KDM4C: variants seen among roughly 807,000 people sequenced by gnomAD.
KDM4C encodes the protein lysine-specific demethylase 4C.
KDM4C carries 81 observed loss-of-function variants against 129.3 expected under a neutral mutation model. That is an observed-to-expected ratio of 0.63 (90% CI 0.52 to 0.75). KDM4C has a LOEUF of 0.75. Among genes scored for constraint, KDM4C ranks in the 30% least tolerant of loss-of-function variants. The pLI is 0.00. For synonymous variants in KDM4C, 573 were observed against 456.1 expected (o/e 1.26, Z -3.26); for missense variants, 1,457 against 1,304.0 (o/e 1.12, Z -1.81).
intron 1 of KDM4C, among the ~76,000 whole-genome samples, chr9:6,746,246 T>TTATATATATATATATA (rs749012885): frequency 1.8e-4 from 21 of 116,060 alleles, no homozygotes; most frequent in African/African-American, 6.4e-4. Context: ...CAGCCAGCCA[T>TTATATATATATATATA]TATATATATA....
At chr9:6,722,517 A>ATTTT (rs71315551) in intron 1 of KDM4C, among the ~76,000 whole-genome samples, 21 of 134,716 alleles carry the variant, frequency 1.6e-4, no homozygotes, top group African/African-American at 4.6e-4. Context: ...ATGTCTATAT[A>ATTTT]TTTTTTTTTT....
chr9:7,013,703 G>T, intron 13 of KDM4C, 85 bp from the exon 14 acceptor site: 2 of 1,279,306 alleles, frequency 1.6e-6, no homozygotes, highest in South Asian at 2.7e-5. Context: ...TTAGTGTCTG[G>T]AACAGGAGTT....
At chr9:6,737,482 G>A (rs1029067221) in intron 1 of KDM4C, among the ~76,000 whole-genome samples, 2 of 117,452 alleles carry the variant, frequency 1.7e-5, no homozygotes, top group Non-Finnish European at 3.4e-5. Context: ...CTAACCTGGT[G>A]AAACCCCATC....
intron 8 of KDM4C, among the ~76,000 whole-genome samples, chr9:6,952,551 C>T (rs1828358825): frequency 1.3e-5 from 2 of 152,012 alleles, no homozygotes; most frequent in Admixed American, 6.6e-5. Context: ...AGTTATTCTC[C>T]TGCCTCAGGC....
At position 6,746,378 on chromosome 9, in the gene KDM4C, C is replaced by T. The variant is rs527599327; in HGVS notation, c.49+25381C>T. Among the ~76,000 whole-genome samples the T allele has an allele frequency of 4.6e-3, 684 of 149,628 alleles. 9 individuals carry two copies. Among genetic ancestry groups the T allele is most frequent in the African/African-American group, 0.016 (649 of 40,692 alleles). On this transcript the variant is annotated intron_variant, in intron 1 of 17. Coordinates refer to the KDM4C transcript ENST00000536108. The stretch of plus-strand genomic sequence containing the variant: ...CTGCCTCCCGGGTTCACGCCATTCT[C>T]CTGCCTCAGCCTCCCGAGTAGCTGG...
chr9:6,824,499 C>G (rs1008529001), intron 4 of KDM4C, among the ~76,000 whole-genome samples: 3 of 152,082 alleles, frequency 2.0e-5, no homozygotes, highest in Non-Finnish European at 2.9e-5. Flanking sequence ...AGTTCTCAAA[C>G]TTTCATCTTA....
At chr9:7,169,733 G>T (rs1844765164) in intron 20 of KDM4C, 65 bp from the exon 21 acceptor site, 1 of 1,260,306 alleles carries the variant, frequency 7.9e-7, no homozygotes, top group Admixed American at 2.1e-5. Flanking sequence ...GTAGTTAATT[G>T]GAGCCTTTAA....
chr9:7,001,407 C>T (rs1201708375), intron 12 of KDM4C, among the ~76,000 whole-genome samples: 1 of 152,162 alleles, frequency 6.6e-6, no homozygotes, highest in Non-Finnish European at 1.5e-5. Flanking sequence ...AGTGAGTGAA[C>T]CATGGATCTG....
At chr9:6,763,974 G>T (rs1563951554) in intron 1 of KDM4C, among the ~76,000 whole-genome samples, 1 of 152,162 alleles carries the variant, frequency 6.6e-6, no homozygotes, top group African/African-American at 2.4e-5. Context: ...GGTTAGGCTG[G>T]TCTCGAACTC....
At chr9:6,800,181 A>C (rs1828668733) in intron 2 of KDM4C, among the ~76,000 whole-genome samples, 1 of 152,130 alleles carries the variant, frequency 6.6e-6, no homozygotes, top group Non-Finnish European at 1.5e-5. Context: ...CAACCTGGAC[A>C]AATGGTGAAA....
chr9:6,980,453 T>C (rs71505837), intron 8 of KDM4C, among the ~76,000 whole-genome samples: 2,756 of 152,266 alleles, frequency 0.018, 36 homozygotes, highest in Non-Finnish European at 0.029. Context: ...GAGAGTTCGT[T>C]AATAACCATA....
intron 1 of KDM4C, among the ~76,000 whole-genome samples, chr9:6,778,199 C>T (rs1279118192): frequency 6.6e-6 from 1 of 151,522 alleles, no homozygotes; most frequent in Non-Finnish European, 1.5e-5. Context: ...AAGCAATTCT[C>T]CTGCCTCAAC....
intron 16 of KDM4C, among the ~76,000 whole-genome samples, chr9:7,048,456 G>A (rs1438722659): frequency 6.6e-6 from 1 of 152,008 alleles, no homozygotes; most frequent in Admixed American, 6.6e-5. Flanking sequence ...ACATTTATGA[G>A]ACATTTAATA....
chr9:6,885,214 G>T (rs1404468960), intron 6 of KDM4C, among the ~76,000 whole-genome samples: 2 of 152,148 alleles, frequency 1.3e-5, no homozygotes, highest in African/African-American at 4.8e-5. Context: ...CACTAATCTG[G>T]TTTCTGTCCC....
intron 4 of KDM4C, among the ~76,000 whole-genome samples, chr9:6,822,309 C>T (rs573731863): frequency 3.9e-5 from 6 of 152,302 alleles, no homozygotes; most frequent in South Asian, 2.1e-4. Flanking sequence ...AAATGTTTGT[C>T]AGCCCCTTAT....
At chr9:7,164,765 C>G (rs1844197342) in intron 19 of KDM4C, among the ~76,000 whole-genome samples, 1 of 152,188 alleles carries the variant, frequency 6.6e-6, no homozygotes, top group African/African-American at 2.4e-5. Flanking sequence ...TAAAGCCTCG[C>G]AGGAGTCTCA....
chr9:6,732,447 G>A (rs1817382174), intron 1 of KDM4C, among the ~76,000 whole-genome samples: 1 of 138,840 alleles, frequency 7.2e-6, no homozygotes, highest in Non-Finnish European at 1.5e-5. Flanking sequence ...TATAATCCCA[G>A]CACTTTGGGA....
chr9:6,858,774 C>G (rs115495149), intron 5 of KDM4C, among the ~76,000 whole-genome samples: 5,709 of 150,314 alleles, frequency 0.038, 148 homozygotes, highest in East Asian at 0.074. Context: ...TGTCTCCCCC[C>G]CCGGCAAAAA....
At chr9:7,038,483 G>A (rs183333176) in intron 15 of KDM4C, among the ~76,000 whole-genome samples, 37 of 152,038 alleles carry the variant, frequency 2.4e-4, no homozygotes, top group Admixed American at 2.0e-3. Flanking sequence ...TATCCCAGTG[G>A]CTGTGGATTT....
Sources: allele counts gnomAD v4.1 joint callset (sites outside exome capture counted in the v4.1 genomes callset), GRCh38; gene constraint gnomAD v4.1.1; transcripts MANE v1.5; gene names NCBI Gene and HGNC (gene_info 2026-07-23, HGNC 2026-07-21).